The following TCF4 variants were observed in gnomAD, a reference collection of about 807,000 sequenced individuals.
The protein encoded by TCF4 is transcription factor 4.
TCF4 carries 3 observed loss-of-function variants against 82.1 expected under a neutral mutation model. The observed-to-expected ratio is 0.04, with a 90% CI of 0.02 to 0.09. The LOEUF is 0.09. Ranked by LOEUF, TCF4 falls within the 10% of genes least tolerant of loss-of-function variation. The probability of loss-of-function intolerance (pLI) is 1.00; values close to 1 mark genes in which losing one functional copy is unlikely to be tolerated. For missense variants in TCF4, 518 were observed against 852.7 expected (o/e 0.61, Z 4.89); for synonymous variants, 276 against 309.6 (o/e 0.89, Z 1.14).
At chr18:55,475,766 A>T (rs915890641) in intron 3 of TCF4, among the ~76,000 whole-genome samples, 14 of 152,138 alleles carry the variant, frequency 9.2e-5, no homozygotes, top group African/African-American at 3.4e-4. Flanking sequence ...TTTCTGTTCT[A>T]TTTGAATTGG....
intron 3 of TCF4, among the ~76,000 whole-genome samples, chr18:55,488,280 A>G (rs1450768746): frequency 1.3e-5 from 2 of 152,172 alleles, no homozygotes; most frequent in African/African-American, 2.4e-5. Context: ...TATTTCAAGC[A>G]TTTTTCAAAA....
chr18:55,406,392 T>C (rs2094091130), intron 5 of TCF4, among the ~76,000 whole-genome samples: 1 of 150,986 alleles, frequency 6.6e-6, no homozygotes, highest in Non-Finnish European at 1.5e-5. Context: ...AAAATCGCGA[T>C]TCCTATCATT....
chr18:55,271,460 A>C (rs558242372), intron 10 of TCF4, among the ~76,000 whole-genome samples: 1 of 152,262 alleles, frequency 6.6e-6, no homozygotes, highest in South Asian at 2.1e-4. Context: ...TTGAGAGCCA[A>C]CTAGTCTAAG....
At chr18:55,346,207 T>G (rs2081144490) in intron 8 of TCF4, among the ~76,000 whole-genome samples, 2 of 152,186 alleles carry the variant, frequency 1.3e-5, no homozygotes, top group Admixed American at 1.3e-4. Context: ...CATACTTAAA[T>G]ATTTCATTTT....
chr18:55,298,920 T>C (rs2067292444), intron 8 of TCF4, among the ~76,000 whole-genome samples: 1 of 152,238 alleles, frequency 6.6e-6, no homozygotes, highest in Non-Finnish European at 1.5e-5. Flanking sequence ...ATTATAAAGA[T>C]ACGGCCAATT....
chr18:55,477,400 T>C (rs952598983), intron 3 of TCF4, among the ~76,000 whole-genome samples: 4 of 152,248 alleles, frequency 2.6e-5, no homozygotes, highest in Admixed American at 2.0e-4. Context: ...TAACAGAGAA[T>C]AGAATACTTG....
At chr18:55,428,525 G>T (rs372890306) in intron 5 of TCF4, among the ~76,000 whole-genome samples, 88 of 152,262 alleles carry the variant, frequency 5.8e-4, no homozygotes, top group African/African-American at 2.0e-3. Context: ...CCAAACTCAT[G>T]ATCTTCTCCT....
chr18:55,611,479 C>T (rs1369495798), intron 2 of TCF4, among the ~76,000 whole-genome samples: 2 of 152,134 alleles, frequency 1.3e-5, no homozygotes, highest in Non-Finnish European at 1.5e-5. Flanking sequence ...TAGAGCCTTC[C>T]ACCCTTTTAC....
chr18:55,239,606 T>G (rs1384642292), intron 15 of TCF4, among the ~76,000 whole-genome samples: 1 of 152,194 alleles, frequency 6.6e-6, no homozygotes, highest in East Asian at 1.9e-4. Flanking sequence ...TCCTTTTTCT[T>G]TATTGCAGGG....
intron 10 of TCF4, among the ~76,000 whole-genome samples, chr18:55,271,451 T>G (rs1226301365): frequency 6.6e-6 from 1 of 152,140 alleles, no homozygotes; most frequent in Non-Finnish European, 1.5e-5. Flanking sequence ...ATAACTTATT[T>G]GAGAGCCAAC....
intron 15 of TCF4, among the ~76,000 whole-genome samples, chr18:55,250,587 G>A (rs914353205): frequency 3.3e-5 from 5 of 152,284 alleles, no homozygotes; most frequent in South Asian, 2.1e-4. Flanking sequence ...TCACTTTACC[G>A]ACACCTGAAA....
At chr18:55,267,190 A>T (rs1020218153) in intron 11 of TCF4, 1 of 152,152 alleles carries the variant, frequency 6.6e-6, no homozygotes, top group Non-Finnish European at 1.5e-5. Context: ...GTAATCTCAA[A>T]CATGTGTCAG....
At chr18:55,302,708 A>C in intron 8 of TCF4, 1 of 1,224,638 alleles carries the variant, frequency 8.2e-7, no homozygotes, top group Admixed American at 2.6e-5. Flanking sequence ...GAGGGCATGA[A>C]GAAGGGGAGG....
chr18:55,314,246 C>T (rs2073444652), intron 8 of TCF4, among the ~76,000 whole-genome samples: 1 of 152,082 alleles, frequency 6.6e-6, no homozygotes, highest in Admixed American at 6.6e-5. Context: ...CAGCATCCAT[C>T]CAGCTCCTTT....
intron 3 of TCF4, among the ~76,000 whole-genome samples, chr18:55,505,963 G>A (rs1394381401): frequency 6.6e-6 from 1 of 152,154 alleles, no homozygotes; most frequent in Non-Finnish European, 1.5e-5. Context: ...AAAATAAAAT[G>A]TATTTGCAGG....
At chr18:55,585,703 G>T in intron 2 of TCF4, 1 of 1,065,868 alleles carries the variant, frequency 9.4e-7, no homozygotes, top group Non-Finnish European at 1.2e-6. Context: ...GAAAAAAGTT[G>T]TTTTGTTTTA....
chr18:55,523,177 A>G (rs2096947395), intron 3 of TCF4, among the ~76,000 whole-genome samples: 1 of 152,094 alleles, frequency 6.6e-6, no homozygotes. Flanking sequence ...ATATTACATT[A>G]TCAACAAAAC....
chr18:55,399,287 C>T (rs1343316671), intron 6 of TCF4, among the ~76,000 whole-genome samples: 2 of 152,134 alleles, frequency 1.3e-5, no homozygotes, highest in African/African-American at 4.8e-5. Flanking sequence ...ATGAGCAAGC[C>T]TATGGGCAAA....
chr18:55,493,687 G>T (rs966811907), intron 3 of TCF4, among the ~76,000 whole-genome samples: 5 of 152,066 alleles, frequency 3.3e-5, no homozygotes, highest in African/African-American at 1.2e-4. Flanking sequence ...GTTTACTTAA[G>T]TTTGTGTAAA....
Sources: allele counts gnomAD v4.1 joint callset (sites outside exome capture counted in the v4.1 genomes callset), GRCh38; gene constraint gnomAD v4.1.1; transcripts MANE v1.5; gene names NCBI Gene and HGNC (gene_info 2026-07-23, HGNC 2026-07-21).